The following SYNE2 variants were observed in gnomAD, a reference collection of about 807,000 sequenced individuals.
SYNE2 encodes nesprin-2.
In SYNE2, 431 loss-of-function variants were observed where a neutral mutation model predicts 856.3. The ratio of observed to expected loss-of-function variants is 0.50; its 90% CI spans 0.47 to 0.55. The LOEUF is 0.55. Among genes scored for constraint, SYNE2 ranks in the 20% least tolerant of loss-of-function variants. The pLI, the probability that SYNE2 is intolerant of heterozygous loss-of-function variation, is 0.00. For missense variants in SYNE2, 8,129 were observed against 8,023.2 expected (o/e 1.01, Z -0.50); for synonymous variants, 2,923 against 2,872.3 (o/e 1.02, Z -0.56).
chr14:63,829,611 A>G (rs917832636), intron 1 of SYNE2, among the ~76,000 whole-genome samples: 1 of 152,014 alleles, frequency 6.6e-6, no homozygotes, highest in Non-Finnish European at 1.5e-5. Context: ...TACTTTATTA[A>G]CATTATTTTT....
intron 109 of SYNE2, 104 bp from the exon 110 acceptor site, chr14:64,219,104 G>GTTTTTTTTTTTTTTTTTTTTTTT: frequency 2.5e-6 from 1 of 407,786 alleles, no homozygotes; most frequent in Non-Finnish European, 4.0e-6. Context: ...CAGTTTTTTT[G>GTTTTTTTTTTTTTTTTTTTTTTT]TTTTTTTTTT....
At chr14:64,183,392 C>T (rs1199855098) in intron 96 of SYNE2, among the ~76,000 whole-genome samples, 5 of 151,694 alleles carry the variant, frequency 3.3e-5, no homozygotes, top group East Asian at 2.0e-4. Context: ...ACTTCCTAGA[C>T]GGGATGGCAG....
At chr14:64,141,288 A>T in intron 80 of SYNE2, 53 bp from the exon 81 acceptor site, 1 of 1,467,070 alleles carries the variant, frequency 6.8e-7, no homozygotes, top group Non-Finnish European at 9.4e-7. Context: ...TCCGACTCTT[A>T]CTTTCTGCTA....
chr14:63,955,866 T>C (rs2096235648), intron 8 of SYNE2, among the ~76,000 whole-genome samples: 1 of 152,260 alleles, frequency 6.6e-6, no homozygotes, highest in Non-Finnish European at 1.5e-5. Context: ...TTGTATTTGC[T>C]GAAGAAGTAT....
rs1219633037 is a variant in SYNE2, at chr14:64,225,226, G to A, written c.20517-93G>A. The stretch of plus-strand genomic sequence containing the variant: ...TGGCCCTATTTAAATCTCAGGTCTT[G>A]GATTTCTTACTTACATAAGCAGGGG... On this transcript the variant is annotated intron_variant, in intron 115 of 115. Transcript: ENST00000555002. 2.5e-6 allele frequency: 4 copies of A among 1,599,158 alleles called. No homozygotes were observed. In the Middle Eastern group the frequency reaches 5.0e-4, roughly 199 times the overall value.
chr14:63,805,506 C>G (rs924834178), intron 1 of SYNE2, among the ~76,000 whole-genome samples: 1 of 152,184 alleles, frequency 6.6e-6, no homozygotes, highest in Non-Finnish European at 1.5e-5. Context: ...CCTGCCTCAG[C>G]CTCTCCGAGT....
At chr14:63,854,293 A>G (rs1420640280) in intron 1 of SYNE2, among the ~76,000 whole-genome samples, 1 of 151,958 alleles carries the variant, frequency 6.6e-6, no homozygotes, top group Non-Finnish European at 1.5e-5. Context: ...GAGTTGGGGA[A>G]TACAATTAAA....
At chr14:64,224,183 A>G (rs1043426892) in intron 113 of SYNE2, among the ~76,000 whole-genome samples, 7 of 134,170 alleles carry the variant, frequency 5.2e-5, no homozygotes, top group African/African-American at 2.0e-4. Context: ...CGTCTCTGCA[A>G]AAAAAAAAAA....
rs748493867 is a variant in SYNE2, at chr14:64,098,063, CAAG to C, written c.12227_12229del (p.Glu4076del). On this transcript the variant is annotated inframe_deletion, in exon 62 of 116. Transcript: ENST00000555002. ...CCTTCACCAGCATTTGAAGCAAGAA[CAAG>C]AAGGAGTAGAAAGAGATAGGCTGCC... 7 of 1,614,016 alleles carry C rather than the reference CAAG, an allele frequency of 4.3e-6. No individual in the cohort carries two copies. Among genetic ancestry groups the C allele is most frequent in the Non-Finnish European group, 5.9e-6 (7 of 1,180,030 alleles).
In SYNE2 at chr14:64,080,432, T is replaced by C. The variant is rs773851772; in HGVS notation, c.11164-24T>C. 6 of 1,613,422 alleles carry C rather than the reference T, an allele frequency of 3.7e-6. No individual in the cohort carries two copies. In the Admixed American group the frequency reaches 1.0e-4, roughly 27 times the overall value. On this transcript the variant is annotated intron_variant, in intron 55 of 115. Coordinates refer to ENST00000555002, the MANE Select transcript of SYNE2 (RefSeq NM_182914.3). ...ATAAACTATGACCTCTTCATTCAAGTTGACTTACGATTTCCTTCTCCAGAA... is the reference window on the plus strand; with the variant it reads ...ATAAACTATGACCTCTTCATTCAAGCTGACTTACGATTTCCTTCTCCAGAA...
chr14:64,188,254 T>A (rs1445998199), intron 97 of SYNE2, among the ~76,000 whole-genome samples: 1 of 152,252 alleles, frequency 6.6e-6, no homozygotes, highest in Non-Finnish European at 1.5e-5. Context: ...TAGCCTTTCC[T>A]GTTTCTAATT....
chr14:64,174,342 G>T (rs1305958167), intron 94 of SYNE2, among the ~76,000 whole-genome samples: 1 of 152,126 alleles, frequency 6.6e-6, no homozygotes, highest in Non-Finnish European at 1.5e-5. Flanking sequence ...AAAGTGCTGG[G>T]ATTACAGGCA....
At chr14:63,978,507 T>C (rs1370082401) in intron 13 of SYNE2, among the ~76,000 whole-genome samples, 6 of 152,202 alleles carry the variant, frequency 3.9e-5, no homozygotes, top group Non-Finnish European at 7.3e-5. Context: ...ATGAAAACTT[T>C]TAATATATAA....
chr14:64,185,375 A>G (rs2098483409), intron 96 of SYNE2, among the ~76,000 whole-genome samples: 1 of 152,216 alleles, frequency 6.6e-6, no homozygotes. Context: ...TAAGCACAAT[A>G]AAAATCTGGT....
chr14:63,831,057 T>C (rs1187362799), intron 1 of SYNE2, among the ~76,000 whole-genome samples: 4 of 152,084 alleles, frequency 2.6e-5, no homozygotes, highest in African/African-American at 9.7e-5. Context: ...GCCAGGCTGG[T>C]CTGGAACTCC....
intron 1 of SYNE2, among the ~76,000 whole-genome samples, chr14:63,874,819 T>G (rs1022066296): frequency 2.6e-5 from 4 of 152,204 alleles, no homozygotes; most frequent in Admixed American, 1.3e-4. Context: ...ATTACTATAA[T>G]TATTCTGAAA....
chr14:64,002,981 A>T lies in SYNE2; in HGVS notation c.4048A>T (p.Thr1350Ser). 1.2e-6 allele frequency: 2 copies of T among 1,614,210 alleles called. No homozygotes were observed. The highest frequency in any genetic ancestry group is 1.7e-6 in the Non-Finnish European group (2 of 1,180,032). Residue 1350 changes from threonine (T) to serine (S), a missense_variant, in exon 30 of 116, where the codon ACA becomes TCA. Transcript: ENST00000555002. ...CGTTACAGACCTTTCAGCCTCAGAT[A>T]CACAGGTGGCACAAGAAAATACGTT... is the stretch of plus-strand genomic sequence containing the variant. ...EPVTDLSASD[T>S]QVAQENTLTV...
At position 64,153,296 on chromosome 14, in the gene SYNE2, C is replaced by T. The variant is rs996588489; in HGVS notation, c.15792+580C>T. Among the ~76,000 whole-genome samples, 6 of 152,178 alleles carry T rather than the reference C, an allele frequency of 3.9e-5. No individual in the cohort carries two copies. In the East Asian group the frequency reaches 9.6e-4, roughly 24 times the overall value. ...CCAGGAGGAGAGCACCAAAAGAGAG[C>T]GAGCTCAGGCATCTCTAGACATTGC... On this transcript the variant is annotated intron_variant, in intron 85 of 115. Coordinates refer to ENST00000555002, the MANE Select transcript of SYNE2 (RefSeq NM_182914.3).
At chr14:64,142,768 G>C (rs1285785837) in intron 82 of SYNE2, among the ~76,000 whole-genome samples, 1 of 152,196 alleles carries the variant, frequency 6.6e-6, no homozygotes, top group East Asian at 1.9e-4. Flanking sequence ...TGTTCTTTGA[G>C]TAAGAGAATG....
Sources: allele counts gnomAD v4.1 joint callset (sites outside exome capture counted in the v4.1 genomes callset), GRCh38; gene constraint gnomAD v4.1.1; transcripts MANE v1.5; gene names NCBI Gene and HGNC (gene_info 2026-07-23, HGNC 2026-07-21).